Variants in CCDC88C observed in about 807,000 individuals in gnomAD.
The protein encoded by CCDC88C is protein Daple.
In CCDC88C, 131 loss-of-function variants were observed where a neutral mutation model predicts 198.8. The ratio of observed to expected loss-of-function variants is 0.66; its 90% CI spans 0.57 to 0.76. The LOEUF (loss-of-function observed/expected upper bound fraction) is 0.76, where lower values mean the gene tolerates loss of function less well. Among genes scored for constraint, CCDC88C ranks in the 30% least tolerant of loss-of-function variants. The probability of loss-of-function intolerance (pLI) is 0.00; values close to 1 mark genes in which losing one functional copy is unlikely to be tolerated. For synonymous variants in CCDC88C, 1,166 were observed against 1,114.7 expected, an observed-to-expected ratio of 1.05 and a Z score of -0.92; for missense variants, 2,553 against 2,631.6, an observed-to-expected ratio of 0.97 and a Z score of 0.65.
chr14:91,400,599 C>G (rs1886115648), intron 3 of CCDC88C, among the ~76,000 whole-genome samples: 1 of 152,198 alleles, frequency 6.6e-6, no homozygotes, highest in Non-Finnish European at 1.5e-5. Context: ...CTGGAGAGAT[C>G]CCCAAAAGGC....
intron 2 of CCDC88C, among the ~76,000 whole-genome samples, chr14:91,413,705 G>T (rs376385263): frequency 6.6e-6 from 1 of 152,174 alleles, no homozygotes; most frequent in East Asian, 1.9e-4. Context: ...GATGTCACCA[G>T]GAGACCAGGG....
chr14:91,377,133 C>T (rs1186908536), intron 3 of CCDC88C, among the ~76,000 whole-genome samples: 1 of 152,198 alleles, frequency 6.6e-6, no homozygotes, highest in Non-Finnish European at 1.5e-5. Flanking sequence ...GCTCATCCCA[C>T]CTCAGACTGC....
intron 19 of CCDC88C, 35 bp downstream of exon 19, chr14:91,305,730 G>A (rs761258919): frequency 5.7e-6 from 9 of 1,580,498 alleles, no homozygotes; most frequent in Non-Finnish European, 7.8e-6. Context: ...CATCCCGCCA[G>A]GCTTGTGACC....
At chr14:91,307,008 G>A (rs377510022) in intron 18 of CCDC88C, 30 bp downstream of exon 18, 28 of 1,581,782 alleles carry the variant, frequency 1.8e-5, no homozygotes, top group South Asian at 5.8e-5. Context: ...CTCTGTCCCC[G>A]ATGGACCATG....
In CCDC88C at chr14:91,381,467, G is replaced by C. The variant is rs1022968644; in HGVS notation, c.271-21756C>G. 1.3e-5 allele frequency among the ~76,000 whole-genome samples: 2 copies of C among 152,228 alleles called. No individual in the cohort carries two copies. The highest frequency in any genetic ancestry group is 2.4e-5 in the African/African-American group (1 of 41,464). Reference sequence around the variant, plus strand: ...AAAAATGCTTTAAAACTTGACCCAAGAAGAGAGCAGGCAGCAACACTTTCT... The same window carrying C: ...AAAAATGCTTTAAAACTTGACCCAACAAGAGAGCAGGCAGCAACACTTTCT... On this transcript the variant is annotated intron_variant, in intron 3 of 29. Transcript: ENST00000389857. The surrounding 1 kb of genome is among the most constrained non-coding windows in gnomAD (Gnocchi z 4.2).
At chr14:91,403,391 T>G (rs1462501507) in intron 3 of CCDC88C, among the ~76,000 whole-genome samples, 1 of 152,160 alleles carries the variant, frequency 6.6e-6, no homozygotes, top group African/African-American at 2.4e-5. Flanking sequence ...AAACTTCACA[T>G]GACAATGAGG....
chr14:91,273,548 C>A lies in CCDC88C; in HGVS notation c.5164G>T (p.Ala1722Ser). 2 of 1,509,816 alleles carry A rather than the reference C, an allele frequency of 1.3e-6. No individual in the cohort carries two copies. The highest frequency in any genetic ancestry group is 1.8e-6 in the Non-Finnish European group (2 of 1,127,630). 93.5% of individuals were successfully genotyped at this position (1,509,816 alleles called of 1,614,324 possible). ...QPGPPAKKEG[A>S]KMPTNFVAPT... is the part of the protein sequence containing the mutation. ...GCCACAAAGTTGGTGGGCATCTTGGCCCCTTCTTTCTTGGCAGGTGGTCCT... is the reference window on the plus strand; with the variant it reads ...GCCACAAAGTTGGTGGGCATCTTGGACCCTTCTTTCTTGGCAGGTGGTCCT... The change falls in exon 30 of 30, where the codon GCC (alanine) becomes TCC (serine). Residue 1722 changes from alanine to serine, a missense_variant. Physicochemically the swap from Ala to Ser is moderately conservative, Grantham distance 99 (BLOSUM62 1). Coordinates refer to ENST00000389857, the MANE Select transcript of CCDC88C (RefSeq NM_001080414.4). This position sits in a 1 kb window ranked among gnomAD's most constrained non-coding sequence, Gnocchi z 5.6.
At chr14:91,417,047 G>A in intron 1 of CCDC88C, 2 of 701,114 alleles carry the variant, frequency 2.9e-6, no homozygotes, top group Non-Finnish European at 5.2e-6. Context: ...GAGACAGGAG[G>A]AAAAACTTCC....
chr14:91,283,606 A>C, intron 25 of CCDC88C, 89 bp from the exon 26 acceptor site: 1 of 1,264,992 alleles, frequency 7.9e-7, no homozygotes, highest in Non-Finnish European at 1.1e-6. Context: ...GCAGGGCAGC[A>C]GGGCATGAGG....
chr14:91,324,978 G>T (rs1168777831), intron 11 of CCDC88C, 55 bp from the exon 12 acceptor site: 3 of 1,606,960 alleles, frequency 1.9e-6, no homozygotes, highest in Non-Finnish European at 2.5e-6. Flanking sequence ...AGATCCCCCT[G>T]GACAAGCCTC....
At chr14:91,380,246 C>T (rs138205443) in intron 3 of CCDC88C, among the ~76,000 whole-genome samples, 13 of 152,288 alleles carry the variant, frequency 8.5e-5, no homozygotes, top group South Asian at 4.1e-4. Flanking sequence ...TATCTTGGGG[C>T]GGCTGGACAT....
intron 3 of CCDC88C, among the ~76,000 whole-genome samples, chr14:91,384,076 G>A (rs565788629): frequency 3.3e-5 from 5 of 152,120 alleles, no homozygotes; most frequent in Non-Finnish European, 7.4e-5. Context: ...GAGGACTGGT[G>A]CATCCAATTA....
intron 28 of CCDC88C, among the ~76,000 whole-genome samples, chr14:91,278,598 T>G (rs1007228686): frequency 1.3e-5 from 2 of 152,198 alleles, no homozygotes; most frequent in Non-Finnish European, 2.9e-5. Flanking sequence ...ACCATACATG[T>G]TCCGAGAATC....
At chr14:91,348,274 G>C (rs1268767102) in intron 4 of CCDC88C, among the ~76,000 whole-genome samples, 1 of 151,192 alleles carries the variant, frequency 6.6e-6, no homozygotes, top group Non-Finnish European at 1.5e-5. Flanking sequence ...CCAAAGTGCT[G>C]GGATTACAGG....
chr14:91,308,377 G>A lies in CCDC88C; in HGVS notation c.2980C>T (p.Arg994Cys), dbSNP rs1213004206. 3 of 1,614,032 alleles carry A rather than the reference G, an allele frequency of 1.9e-6. No individual in the cohort carries two copies. Among genetic ancestry groups the A allele is most frequent in the East Asian group, 2.2e-5 (1 of 44,892 alleles). The change falls in exon 17 of 30, where the codon CGC becomes TGC. Residue 994 changes from arginine to cysteine, a missense_variant. Arg to Cys is a radical substitution (Grantham distance 180). Coordinates refer to ENST00000389857, the MANE Select transcript of CCDC88C (RefSeq NM_001080414.4). Reference sequence around the variant, plus strand: ...ATCTGCAGCTCACTCTCTAACTGGCGATTTAGGCTCGCTTTCTCTTCCATC... The same window carrying A: ...ATCTGCAGCTCACTCTCTAACTGGCAATTTAGGCTCGCTTTCTCTTCCATC... ...AQMEEKASLN[R>C]QLESELQMLK...
At chr14:91,275,505 T>G (rs1431738746) in intron 29 of CCDC88C, among the ~76,000 whole-genome samples, 12 of 150,194 alleles carry the variant, frequency 8.0e-5, no homozygotes, top group Admixed American at 3.3e-4. Flanking sequence ...GGAGACAGAG[T>G]CTCACTGTGT....
intron 10 of CCDC88C, among the ~76,000 whole-genome samples, chr14:91,329,578 C>G (rs557330987): frequency 1.9e-4 from 28 of 148,962 alleles, no homozygotes; most frequent in Middle Eastern, 3.4e-3. Context: ...CACAGGCAAG[C>G]ATCAAGTCAT....
At chr14:91,378,232 G>A (rs1596133214) in intron 3 of CCDC88C, among the ~76,000 whole-genome samples, 1 of 152,178 alleles carries the variant, frequency 6.6e-6, no homozygotes, top group Non-Finnish European at 1.5e-5. Flanking sequence ...CAGCCAGCAG[G>A]CATCCTGAAG....
chr14:91,348,306 A>G (rs28607380), intron 4 of CCDC88C, among the ~76,000 whole-genome samples: 5,467 of 145,866 alleles, frequency 0.037, 273 homozygotes, highest in African/African-American at 0.12. Flanking sequence ...GCGCCCAGCC[A>G]AGACCCTATC....
Sources: gnomAD v4.1 joint callset for allele counts (sites outside exome capture counted in the v4.1 genomes callset) on GRCh38, gnomAD v4.1.1 for gene constraint, Gnocchi (gnomAD v3.1) non-coding constraint, MANE v1.5 for transcripts, NCBI Gene and HGNC (gene_info 2026-07-23, HGNC 2026-07-21) for gene names.